Variants in GSE1 observed in about 807,000 individuals in gnomAD.
The protein encoded by GSE1 is genetic suppressor element 1.
A neutral mutation model predicts 112.6 loss-of-function variants in GSE1; 32 were observed. That is an observed-to-expected ratio of 0.28 (90% CI 0.21 to 0.38). GSE1 has a LOEUF of 0.38. Ranked by LOEUF, GSE1 falls within the 10% of genes least tolerant of loss-of-function variation. The probability of loss-of-function intolerance (pLI) is 1.00; values close to 1 mark genes in which losing one functional copy is unlikely to be tolerated. For missense variants in GSE1, 2,348 were observed against 1,699.2 expected, an observed-to-expected ratio of 1.38 and a Z score of -6.71; for synonymous variants, 1,115 against 735.6, an observed-to-expected ratio of 1.52 and a Z score of -8.35.
At chr16:85,663,852 G>GTA (rs2052626555) in intron 11 of GSE1, among the ~76,000 whole-genome samples, 1 of 152,258 alleles carries the variant, frequency 6.6e-6, no homozygotes, top group Non-Finnish European at 1.5e-5. Flanking sequence ...GACTACCCAT[G>GTA]TCACTCATCC....
chr16:85,206,921 G>T (rs1275093323), intron 1 of GSE1, among the ~76,000 whole-genome samples: 2 of 152,068 alleles, frequency 1.3e-5, no homozygotes, highest in African/African-American at 4.8e-5. Flanking sequence ...AGAGGGGTGG[G>T]CCAGCGCCGG....
chr16:85,336,764 G>C (rs904422365), intron 1 of GSE1, among the ~76,000 whole-genome samples: 1 of 152,148 alleles, frequency 6.6e-6, no homozygotes, highest in Non-Finnish European at 1.5e-5. Flanking sequence ...ACCACGCCCA[G>C]CCTTGCCCTC....
chr16:85,605,064 G>A lies in GSE1; in HGVS notation c.38-43488G>A, dbSNP rs916206197. Among the ~76,000 whole-genome samples the A allele has an allele frequency of 8.6e-5, 13 of 150,416 alleles. No individual in the cohort carries two copies. In the South Asian group the frequency reaches 1.0e-3, roughly 12 times the overall value. On this transcript the variant is annotated intron_variant, in intron 1 of 2. Transcript: ENST00000635906. ...GATCTCCTGACCTTGTGATCCGTCC[G>A]CCTCGGCCTCCCAAAGTGTTGGGAT...
intron 1 of GSE1, among the ~76,000 whole-genome samples, chr16:85,250,309 G>A (rs1906327282): frequency 2.6e-5 from 4 of 152,220 alleles, no homozygotes. Context: ...CGCCCTGTTT[G>A]CGCCAGCAGT....
chr16:85,403,145 G>A (rs185970156), intron 2 of GSE1, among the ~76,000 whole-genome samples: 3 of 152,212 alleles, frequency 2.0e-5, no homozygotes, highest in Non-Finnish European at 4.4e-5. Context: ...GTTCCTTGCC[G>A]GATGCTGGCT....
At chr16:85,321,826 G>A (rs868168912) in intron 1 of GSE1, among the ~76,000 whole-genome samples, 10 of 152,038 alleles carry the variant, frequency 6.6e-5, no homozygotes, top group South Asian at 4.1e-4. Flanking sequence ...AGTTCTGCCT[G>A]TAACTGACGG....
chr16:85,298,900 C>A (rs1431615603), intron 1 of GSE1, among the ~76,000 whole-genome samples: 1 of 152,216 alleles, frequency 6.6e-6, no homozygotes, highest in South Asian at 2.1e-4. Context: ...TATGTCTGTG[C>A]TGGTGGACGG....
chr16:85,367,999 G>A (rs1278091004), intron 2 of GSE1, among the ~76,000 whole-genome samples: 2 of 152,004 alleles, frequency 1.3e-5, no homozygotes, highest in African/African-American at 4.8e-5. Context: ...ACAGGCATGT[G>A]CCACCAAGCC....
chr16:85,294,581 A>G (rs1237796740), intron 1 of GSE1, among the ~76,000 whole-genome samples: 1 of 149,720 alleles, frequency 6.7e-6, no homozygotes, highest in Non-Finnish European at 1.5e-5. Flanking sequence ...CTGGGGTCAC[A>G]TTCAGCCTTC....
At chr16:85,539,168 C>G (rs1215098683) in intron 2 of GSE1, among the ~76,000 whole-genome samples, 2 of 152,232 alleles carry the variant, frequency 1.3e-5, no homozygotes, top group African/African-American at 4.8e-5. Context: ...TTTGTCTTTC[C>G]TCGTTATTCC....
chr16:85,638,720 C>T (rs2050204857), intron 2 of GSE1, among the ~76,000 whole-genome samples: 1 of 150,876 alleles, frequency 6.6e-6, no homozygotes, highest in Non-Finnish European at 1.5e-5. Flanking sequence ...TTGCCACCCC[C>T]ACCTCCTACG....
At chr16:85,662,788 C>T in intron 9 of GSE1, 193 bp from the exon 10 acceptor site, 1 of 564,256 alleles carries the variant, frequency 1.8e-6, no homozygotes, top group Non-Finnish European at 3.2e-6. Flanking sequence ...AGCCTGGTGT[C>T]TGCGGTCCTG....
At chr16:85,485,239 C>T (rs1461835587) in intron 2 of GSE1, among the ~76,000 whole-genome samples, 6 of 152,254 alleles carry the variant, frequency 3.9e-5, no homozygotes, top group South Asian at 2.1e-4. Flanking sequence ...CACGGTTTCC[C>T]GCGCCCAGAG....
upstream of GSE1, among the ~76,000 whole-genome samples, chr16:85,552,619 A>G (rs992044331): frequency 6.6e-6 from 1 of 152,212 alleles, no homozygotes; most frequent in African/African-American, 2.4e-5. Flanking sequence ...GGCGTGAGCC[A>G]CCGCGCTCAG....
chr16:85,262,363 C>T (rs995074272), intron 1 of GSE1, among the ~76,000 whole-genome samples: 59 of 152,072 alleles, frequency 3.9e-4, no homozygotes, highest in Non-Finnish European at 1.0e-4. Flanking sequence ...GAGAGATTGT[C>T]GGGGAGGGGG....
chr16:85,285,570 T>C (rs1475299332), intron 1 of GSE1: 1 of 151,536 alleles, frequency 6.6e-6, no homozygotes, highest in East Asian at 1.9e-4. Context: ...TAATCCCAGC[T>C]ACGTGGGAGG....
At chr16:85,333,837 C>T (rs1020473999) in intron 1 of GSE1, among the ~76,000 whole-genome samples, 12 of 152,206 alleles carry the variant, frequency 7.9e-5, no homozygotes, top group Admixed American at 1.3e-4. Flanking sequence ...CCTCCTCCCC[C>T]CACAGCCCTG....
At chr16:85,250,628 G>C (rs547794075) in intron 1 of GSE1, among the ~76,000 whole-genome samples, 41 of 152,334 alleles carry the variant, frequency 2.7e-4, no homozygotes, top group Non-Finnish European at 4.9e-4. Flanking sequence ...CATTTTGTAA[G>C]TGCTATTTTA....
At chr16:85,487,025 G>T (rs938781411) in intron 2 of GSE1, among the ~76,000 whole-genome samples, 7 of 152,180 alleles carry the variant, frequency 4.6e-5, no homozygotes, top group Non-Finnish European at 1.0e-4. Flanking sequence ...ATGTACCCCA[G>T]GGGGTTCTGA....
Sources: allele counts gnomAD v4.1 joint callset (sites outside exome capture counted in the v4.1 genomes callset), GRCh38; gene constraint gnomAD v4.1.1; transcripts MANE v1.5; gene names NCBI Gene and HGNC (gene_info 2026-07-23, HGNC 2026-07-21).